The following XKR9 variants were observed in gnomAD, a reference collection of about 807,000 sequenced individuals.
XKR9 encodes XK related 9.
XKR9 carries 32 observed loss-of-function variants against 32.0 expected under a neutral mutation model. That is an observed-to-expected ratio of 1.00 (90% CI 0.76 to 1.34). The LOEUF (loss-of-function observed/expected upper bound fraction) is 1.34. Among genes scored for constraint, XKR9 ranks in the 40% most tolerant of loss-of-function variants. The pLI, the probability that XKR9 is intolerant of heterozygous loss-of-function variation, is 0.00. For missense variants in XKR9, 546 were observed against 429.7 expected, an observed-to-expected ratio of 1.27 and a Z score of -2.39; for synonymous variants, 168 against 143.4, an observed-to-expected ratio of 1.17 and a Z score of -1.22.
chr8:70,714,767 AT>A (rs1806034944), intron 4 of XKR9, among the ~76,000 whole-genome samples: 1 of 152,108 alleles, frequency 6.6e-6, no homozygotes, highest in Non-Finnish European at 1.5e-5. Context: ...TTTAGTGAAC[AT>A]GGATGGGAGT....
chr8:70,906,690 A>G, the XKR9 span, among the ~76,000 whole-genome samples: 3 of 152,190 alleles, frequency 2.0e-5, no homozygotes, highest in East Asian at 5.8e-4. Context: ...TGGGTTTTCC[A>G]TCCTTTCTGC....
the XKR9 span, among the ~76,000 whole-genome samples, chr8:70,850,485 G>GA: frequency 2.1e-4 from 26 of 123,500 alleles, no homozygotes; most frequent in African/African-American, 7.8e-4. Context: ...AAAAAAAAAA[G>GA]AAAGAAAATT....
the XKR9 span, among the ~76,000 whole-genome samples, chr8:70,942,435 G>A: frequency 1.3e-5 from 2 of 151,936 alleles, no homozygotes; most frequent in Non-Finnish European, 2.9e-5. Context: ...TACCTGCCTT[G>A]GTAACCAAAA....
At chr8:71,009,398 A>ATTC in the XKR9 span, among the ~76,000 whole-genome samples, 65,451 of 151,792 alleles carry the variant, frequency 0.43, 15,169 homozygotes, top group Non-Finnish European at 0.52. Flanking sequence ...GCCCAAGAGA[A>ATTC]TTCTTCTTCC....
At chr8:70,779,211 T>G (rs1409429451) in intron 2 of XKR9, among the ~76,000 whole-genome samples, 1 of 152,154 alleles carries the variant, frequency 6.6e-6, no homozygotes, top group Non-Finnish European at 1.5e-5. Flanking sequence ...CAATAGATAA[T>G]CACGTGGTTT....
chr8:70,851,587 A>G, the XKR9 span, among the ~76,000 whole-genome samples: 9 of 152,342 alleles, frequency 5.9e-5, no homozygotes, highest in South Asian at 2.1e-4. Flanking sequence ...AAACAGATGT[A>G]TAGACCAATG....
the XKR9 span, among the ~76,000 whole-genome samples, chr8:71,042,967 G>T: frequency 6.6e-6 from 1 of 152,180 alleles, no homozygotes; most frequent in Admixed American, 6.5e-5. Context: ...CCATTTGTTA[G>T]ACTGAGGAGC....
the XKR9 span, among the ~76,000 whole-genome samples, chr8:70,995,828 T>A: frequency 6.6e-6 from 1 of 152,172 alleles, no homozygotes; most frequent in African/African-American, 2.4e-5. Context: ...CTGTCGGAAA[T>A]TCTTTCACTG....
At chr8:70,932,690 C>T in the XKR9 span, among the ~76,000 whole-genome samples, 1 of 152,148 alleles carries the variant, frequency 6.6e-6, no homozygotes, top group Non-Finnish European at 1.5e-5. Flanking sequence ...TGGAGTGCCA[C>T]CTTCTGCTGT....
At chr8:70,929,730 G>A in the XKR9 span, among the ~76,000 whole-genome samples, 3 of 152,092 alleles carry the variant, frequency 2.0e-5, no homozygotes, top group African/African-American at 7.2e-5. Flanking sequence ...AATGGTCATC[G>A]AGTCCCTCTG....
chr8:70,721,215 T>C (rs902718107), intron 4 of XKR9, among the ~76,000 whole-genome samples: 7 of 152,098 alleles, frequency 4.6e-5, no homozygotes, highest in African/African-American at 1.4e-4. Flanking sequence ...GTCTTGCTAG[T>C]GGTGTATCTA....
intron 2 of XKR9, among the ~76,000 whole-genome samples, chr8:70,760,484 G>A (rs1421723143): frequency 6.6e-6 from 1 of 151,912 alleles, no homozygotes. Flanking sequence ...TTTTTATTGG[G>A]GTAAAATATA....
chr8:70,669,642 T>TGTG (rs1563411694), intron 1 of XKR9, 104 bp downstream of exon 1: 17,658 of 124,678 alleles, frequency 0.14, 1,678 homozygotes, highest in Non-Finnish European at 0.21. Flanking sequence ...GTGTGTGTAG[T>TGTG]AGTAGTAGTA....
chr8:70,704,500 G>A (rs924196268), intron 3 of XKR9, among the ~76,000 whole-genome samples: 3 of 152,148 alleles, frequency 2.0e-5, no homozygotes, highest in African/African-American at 7.2e-5. Flanking sequence ...AACCCAATGA[G>A]GGAGGTATGA....
the XKR9 span, among the ~76,000 whole-genome samples, chr8:70,890,904 C>T: frequency 1.3e-5 from 2 of 151,918 alleles, no homozygotes. Context: ...CAGAATTCTG[C>T]AGCAGATCAA....
the XKR9 span, among the ~76,000 whole-genome samples, chr8:70,971,404 G>A: frequency 1.1e-3 from 167 of 151,222 alleles, 1 homozygote; most frequent in Non-Finnish European, 2.1e-3. Context: ...TCCTCCCACT[G>A]TGTGGGTTAT....
At chr8:71,034,523 T>C in the XKR9 span, among the ~76,000 whole-genome samples, 2 of 152,314 alleles carry the variant, frequency 1.3e-5, no homozygotes, top group African/African-American at 4.8e-5. Flanking sequence ...TGCTGGAACA[T>C]TCATGCTTGG....
the XKR9 span, among the ~76,000 whole-genome samples, chr8:70,842,557 C>T: frequency 6.6e-6 from 1 of 151,352 alleles, no homozygotes; most frequent in Non-Finnish European, 1.5e-5. Context: ...TACACACACA[C>T]ACACACACAC....
intron 2 of XKR9, among the ~76,000 whole-genome samples, chr8:70,744,229 C>T (rs1328457230): frequency 6.6e-5 from 10 of 151,834 alleles, no homozygotes; most frequent in South Asian, 4.2e-4. Context: ...GAGAATCACT[C>T]GAACTGGGGA....
Sources: allele counts gnomAD v4.1 joint callset (sites outside exome capture counted in the v4.1 genomes callset), GRCh38; gene constraint gnomAD v4.1.1; transcripts MANE v1.5; gene names NCBI Gene and HGNC (gene_info 2026-07-23, HGNC 2026-07-21).